The following CLIC5 variants were observed in gnomAD, a reference collection of about 807,000 sequenced individuals.
The protein encoded by CLIC5 is chloride intracellular channel protein 5.
CLIC5 carries 20 observed loss-of-function variants against 24.7 expected under a neutral mutation model. That is an observed-to-expected ratio of 0.81 (90% CI 0.57 to 1.18). The LOEUF (loss-of-function observed/expected upper bound fraction) is 1.18, where lower values mean the gene tolerates loss of function less well. Ranked by LOEUF, CLIC5 falls within the 50% of genes most tolerant of loss-of-function variation. CLIC5 has a pLI of 0.00. For synonymous variants in CLIC5, 159 were observed against 135.6 expected (o/e 1.17, Z -1.20); for missense variants, 341 against 326.1 (o/e 1.05, Z -0.35).
chr6:45,955,965 G>T (rs1226505918), intron 1 of CLIC5, among the ~76,000 whole-genome samples: 1 of 152,152 alleles, frequency 6.6e-6, no homozygotes, highest in East Asian at 1.9e-4. Flanking sequence ...TTAGCCAGGG[G>T]ATTGAAAATT....
At chr6:45,908,953 T>C (rs1343036313) in intron 5 of CLIC5, among the ~76,000 whole-genome samples, 6 of 152,198 alleles carry the variant, frequency 3.9e-5, no homozygotes, top group African/African-American at 1.2e-4. Flanking sequence ...ACCTGGGTGC[T>C]CCAGTGTTGG....
intron 1 of CLIC5, among the ~76,000 whole-genome samples, chr6:45,984,057 C>A (rs1266147649): frequency 2.0e-5 from 3 of 152,104 alleles, no homozygotes; most frequent in Non-Finnish European, 2.9e-5. Context: ...ATGAATAGAA[C>A]CTAGGCCCTT....
the CLIC5 span, among the ~76,000 whole-genome samples, chr6:46,095,952 C>CAA: frequency 4.6e-5 from 7 of 152,264 alleles, no homozygotes; most frequent in African/African-American, 1.4e-4. Context: ...CTGCTATAAA[C>CAA]AAATACCTGA....
the CLIC5 span, among the ~76,000 whole-genome samples, chr6:46,091,281 CCAT>C: frequency 2.0e-5 from 3 of 152,222 alleles, no homozygotes; most frequent in Non-Finnish European, 4.4e-5. Flanking sequence ...CTTGCCACCA[CCAT>C]GTTACTCTCA....
intron 1 of CLIC5, among the ~76,000 whole-genome samples, chr6:45,971,687 G>A (rs77586300): frequency 6.6e-6 from 1 of 152,312 alleles, no homozygotes; most frequent in Non-Finnish European, 1.5e-5. Flanking sequence ...ATTATTGAAG[G>A]AGGCTGCTGG....
At chr6:46,020,138 G>A (rs1469250695), upstream of CLIC5, among the ~76,000 whole-genome samples, 1 of 152,094 alleles carries the variant, frequency 6.6e-6, no homozygotes, top group Non-Finnish European at 1.5e-5. Context: ...ACTATTGTCA[G>A]ATATATATGG....
At chr6:46,047,104 A>T (rs1767975678) in intron 1 of CLIC5, among the ~76,000 whole-genome samples, 1 of 152,230 alleles carries the variant, frequency 6.6e-6, no homozygotes, top group African/African-American at 2.4e-5. Flanking sequence ...GGTTAAGACC[A>T]ATGCCTCTTT....
At chr6:45,911,427 T>C (rs1167153731) in intron 5 of CLIC5, among the ~76,000 whole-genome samples, 2 of 152,158 alleles carry the variant, frequency 1.3e-5, no homozygotes, top group Non-Finnish European at 2.9e-5. Flanking sequence ...CACTGAAAGA[T>C]GATGATCCCT....
intron 1 of CLIC5, among the ~76,000 whole-genome samples, chr6:46,004,996 C>G (rs147569412): frequency 6.6e-6 from 1 of 152,184 alleles, no homozygotes; most frequent in Non-Finnish European, 1.5e-5. Context: ...GCAGGTGAGA[C>G]GGCCCCTCGT....
At chr6:45,972,875 G>A (rs964863131) in intron 1 of CLIC5, among the ~76,000 whole-genome samples, 3 of 152,086 alleles carry the variant, frequency 2.0e-5, no homozygotes, top group African/African-American at 4.8e-5. Flanking sequence ...ATAATTCTTG[G>A]TTAGGAAAAA....
chr6:45,954,042 G>A (rs771291341), intron 2 of CLIC5, among the ~76,000 whole-genome samples: 4 of 152,058 alleles, frequency 2.6e-5, no homozygotes, highest in African/African-American at 7.2e-5. Flanking sequence ...TTGGGAGGTC[G>A]AGGTGGGTGG....
At chr6:45,943,038 A>C (rs1227364731) in intron 3 of CLIC5, among the ~76,000 whole-genome samples, 1 of 152,260 alleles carries the variant, frequency 6.6e-6, no homozygotes, top group African/African-American at 2.4e-5. Flanking sequence ...ACTGTGCAGC[A>C]GGCAGGCACT....
At chr6:45,915,808 A>G (rs149118176) in intron 4 of CLIC5, among the ~76,000 whole-genome samples, 2,398 of 152,344 alleles carry the variant, frequency 0.016, 36 homozygotes, top group South Asian at 0.044. Flanking sequence ...CTTTCTAATC[A>G]GAGAACACTA....
At chr6:46,034,350 T>A (rs1045868799) in intron 1 of CLIC5, among the ~76,000 whole-genome samples, 4 of 152,250 alleles carry the variant, frequency 2.6e-5, no homozygotes, top group Admixed American at 2.6e-4. Context: ...ATCTTGGAGA[T>A]GGAAGGCAAA....
the CLIC5 span, among the ~76,000 whole-genome samples, chr6:46,099,336 C>G: frequency 3.3e-5 from 5 of 152,154 alleles, no homozygotes; most frequent in Non-Finnish European, 7.3e-5. Flanking sequence ...ATGTAGCCCC[C>G]GACTGTGGTA....
At chr6:46,035,256 T>TA (rs1405701179) in intron 1 of CLIC5, among the ~76,000 whole-genome samples, 1 of 152,112 alleles carries the variant, frequency 6.6e-6, no homozygotes, top group African/African-American at 2.4e-5. Context: ...TCTTAGAAGA[T>TA]AGCAGAAGTT....
chr6:46,097,629 G>A, the CLIC5 span, among the ~76,000 whole-genome samples: 1 of 152,178 alleles, frequency 6.6e-6, no homozygotes, highest in Non-Finnish European at 1.5e-5. Context: ...GGCAACTAGA[G>A]TAGCTAAGAG....
chr6:46,015,467 GA>G lies in CLIC5; in HGVS notation c.63+12del. ...GCGCGGCAGGTGCGGCGGGAGACTG[GA>G]CCCCGACCTACCTTCACAAAGAGCT... On this transcript the variant is annotated intron_variant, in intron 1 of 5. Transcript: ENST00000339561. The G allele has an allele frequency of 6.6e-7, 1 of 1,518,438 alleles. No individual in the cohort carries two copies. The highest frequency in any genetic ancestry group is 8.8e-7 in the Non-Finnish European group (1 of 1,131,160). 94.1% of individuals were successfully genotyped at this position (1,518,438 alleles called of 1,614,324 possible). A position where few individuals can be genotyped will look rare whatever the true frequency, so the allele number is the denominator to read the frequency against.
chr6:45,933,784 C>T (rs3777569), intron 4 of CLIC5, among the ~76,000 whole-genome samples: 9,157 of 152,152 alleles, frequency 0.06, 498 homozygotes, highest in East Asian at 0.2. Flanking sequence ...TGGCGACACA[C>T]GCCTGAGGCT....
Sources: gnomAD v4.1 joint callset for allele counts (sites outside exome capture counted in the v4.1 genomes callset) on GRCh38, gnomAD v4.1.1 for gene constraint, MANE v1.5 for transcripts, NCBI Gene and HGNC (gene_info 2026-07-23, HGNC 2026-07-21) for gene names.